TUSC3: variants seen among roughly 807,000 people sequenced by gnomAD.
TUSC3 encodes the protein tumor suppressor candidate 3, also known as dolichyl-diphosphooligosaccharide--protein glycosyltransferase subunit TUSC3.
In TUSC3, 45 loss-of-function variants were observed where a neutral mutation model predicts 44.8. The observed-to-expected ratio is 1.00, with a 90% CI of 0.79 to 1.29. The LOEUF is 1.29. Ranked by LOEUF, TUSC3 falls within the 50% of genes most tolerant of loss-of-function variation. The pLI is 0.00. For missense variants in TUSC3, 519 were observed against 437.9 expected, an observed-to-expected ratio of 1.19 and a Z score of -1.65; for synonymous variants, 212 against 152.9, an observed-to-expected ratio of 1.39 and a Z score of -2.85.
At chr8:15,533,833 G>C (rs1801482942) in intron 2 of TUSC3, among the ~76,000 whole-genome samples, 2 of 152,100 alleles carry the variant, frequency 1.3e-5, no homozygotes, top group African/African-American at 2.4e-5. Flanking sequence ...GTTATCTTGG[G>C]GCTGACATCT....
At chr8:15,628,736 A>G (rs952439891) in intron 2 of TUSC3, among the ~76,000 whole-genome samples, 3 of 152,212 alleles carry the variant, frequency 2.0e-5, no homozygotes, top group African/African-American at 4.8e-5. Flanking sequence ...CGTTTTTGAA[A>G]CTAGAATACC....
the TUSC3 span, among the ~76,000 whole-genome samples, chr8:15,832,652 G>A: frequency 3.7e-4 from 56 of 152,216 alleles, 2 homozygotes; most frequent in South Asian, 7.5e-3. Context: ...AGACAAAACA[G>A]ACTTTAAACC....
chr8:15,787,601 C>T, the TUSC3 span, among the ~76,000 whole-genome samples: 4 of 152,152 alleles, frequency 2.6e-5, no homozygotes, highest in African/African-American at 9.7e-5. Context: ...CCGATCACTT[C>T]TTATTTCTAT....
intron 3 of TUSC3, among the ~76,000 whole-genome samples, chr8:15,652,813 C>T (rs148255235): frequency 1.3e-5 from 2 of 152,158 alleles, no homozygotes; most frequent in African/African-American, 4.8e-5. Context: ...TGCTAGAGCA[C>T]AGTCTTGAGG....
intron 2 of TUSC3, among the ~76,000 whole-genome samples, chr8:15,641,385 G>C (rs1806363277): frequency 7.1e-6 from 1 of 140,746 alleles, no homozygotes; most frequent in Non-Finnish European, 1.5e-5. Flanking sequence ...AAAAAGAAAA[G>C]TTGCATTGAG....
chr8:15,431,312 A>T (rs1156886041), intron 1 of TUSC3, among the ~76,000 whole-genome samples: 3 of 150,342 alleles, frequency 2.0e-5, no homozygotes, highest in Non-Finnish European at 3.0e-5. Context: ...ATATTCTTCC[A>T]ATCCATGAAC....
intron 10 of TUSC3, among the ~76,000 whole-genome samples, chr8:15,759,098 A>T (rs1274170965): frequency 6.6e-6 from 1 of 152,156 alleles, no homozygotes; most frequent in East Asian, 1.9e-4. Context: ...GTAGAGATTA[A>T]AAAGAATGAC....
intron 1 of TUSC3, among the ~76,000 whole-genome samples, chr8:15,476,530 T>A (rs1800577168): frequency 1.3e-5 from 2 of 152,218 alleles, no homozygotes; most frequent in Admixed American, 6.5e-5. Flanking sequence ...TACAAAGGAA[T>A]TTATTCTACA....
intron 1 of TUSC3, among the ~76,000 whole-genome samples, chr8:15,613,244 T>A (rs1804840537): frequency 6.6e-6 from 1 of 151,460 alleles, no homozygotes; most frequent in Non-Finnish European, 1.5e-5. Flanking sequence ...TTTTTTTTTT[T>A]AAGTAAATTT....
upstream of TUSC3, among the ~76,000 whole-genome samples, chr8:15,537,078 AG>A (rs1658605791): frequency 6.6e-6 from 1 of 152,132 alleles, no homozygotes; most frequent in Non-Finnish European, 1.5e-5. Flanking sequence ...AGATCCAGTA[AG>A]ATAATCAACT....
Position 15,608,754 on chromosome 8 carries a change from C to A in TUSC3, c.139-14326C>A, listed in dbSNP as rs544192476. ...TAAGATGTGCCAGCTTCCCCTTCCA[C>A]CATGATTGTAAGTTTCCTGAGGCTC... On this transcript the variant is annotated intron_variant, in intron 1 of 10. Transcript: ENST00000503731. Among the ~76,000 whole-genome samples the A allele has an allele frequency of 2.2e-4, 33 of 152,160 alleles. 1 individual carries two copies. Among genetic ancestry groups the A allele is most frequent in the South Asian group, 4.1e-4 (2 of 4,828 alleles).
At chr8:15,756,087 A>G (rs983774510) in intron 9 of TUSC3, among the ~76,000 whole-genome samples, 3 of 152,158 alleles carry the variant, frequency 2.0e-5, no homozygotes, top group Admixed American at 6.6e-5. Context: ...TATAATGGAA[A>G]AATAACAGTA....
chr8:15,511,947 T>A (rs1471603869), intron 2 of TUSC3, among the ~76,000 whole-genome samples: 2 of 152,170 alleles, frequency 1.3e-5, no homozygotes. Flanking sequence ...GATCCTAAAT[T>A]TATCTATAGA....
chr8:15,824,502 G>A, the TUSC3 span, among the ~76,000 whole-genome samples: 21,473 of 150,834 alleles, frequency 0.14, 1,724 homozygotes, highest in African/African-American at 0.22. Context: ...GCAAACTATC[G>A]CAAGGACAAA....
chr8:15,806,842 G>A, the TUSC3 span: 14 of 980,974 alleles, frequency 1.4e-5, no homozygotes, highest in Non-Finnish European at 2.1e-5. Flanking sequence ...CAAAGTAAAC[G>A]TCTAGAGTCT....
intron 10 of TUSC3, among the ~76,000 whole-genome samples, chr8:15,759,978 C>G (rs1474672084): frequency 3.3e-5 from 5 of 152,066 alleles, no homozygotes; most frequent in Admixed American, 6.6e-5. Context: ...CTTTTCTGTT[C>G]CCACAGTTGC....
chr8:15,469,142 A>G (rs1800452249), intron 1 of TUSC3, among the ~76,000 whole-genome samples: 1 of 152,244 alleles, frequency 6.6e-6, no homozygotes, highest in South Asian at 2.1e-4. Flanking sequence ...AGCATGATTT[A>G]TGAAAGAAAT....
chr8:15,844,939 T>G, the TUSC3 span, among the ~76,000 whole-genome samples: 1 of 152,092 alleles, frequency 6.6e-6, no homozygotes, highest in Non-Finnish European at 1.5e-5. Context: ...CTACCACCTC[T>G]TAAAGAGATA....
At chr8:15,817,387 G>C in the TUSC3 span, among the ~76,000 whole-genome samples, 1 of 151,948 alleles carries the variant, frequency 6.6e-6, no homozygotes, top group African/African-American at 2.4e-5. Flanking sequence ...TGCTCAAAGG[G>C]TAACTATGTG....
Sources: gnomAD v4.1 joint callset for allele counts (sites outside exome capture counted in the v4.1 genomes callset) on GRCh38, gnomAD v4.1.1 for gene constraint, MANE v1.5 for transcripts, NCBI Gene and HGNC (gene_info 2026-07-23, HGNC 2026-07-21) for gene names.